The following MSH3 variants were observed in gnomAD, a reference collection of about 807,000 sequenced individuals.
MSH3 encodes DNA mismatch repair protein Msh3.
A neutral mutation model predicts 123.3 loss-of-function variants in MSH3; 106 were observed. The ratio of observed to expected loss-of-function variants is 0.86; its 90% CI spans 0.73 to 1.01. The LOEUF is 1.01. MSH3 is among the 50% of genes least tolerant of loss of function. MSH3 has a pLI of 0.00. For synonymous variants in MSH3, 515 were observed against 481.4 expected (o/e 1.07, Z -0.91); for missense variants, 1,459 against 1,347.6 (o/e 1.08, Z -1.29).
At chr5:80,662,098 T>A (rs982143705) in intron 2 of MSH3, among the ~76,000 whole-genome samples, 3 of 152,246 alleles carry the variant, frequency 2.0e-5, no homozygotes, top group Non-Finnish European at 2.9e-5. Flanking sequence ...CATAAGATTA[T>A]AATAGGTATT....
intron 19 of MSH3, among the ~76,000 whole-genome samples, chr5:80,802,532 G>A (rs947788537): frequency 6.6e-6 from 1 of 151,978 alleles, no homozygotes; most frequent in Non-Finnish European, 1.5e-5. Flanking sequence ...AGGGTAACTG[G>A]GGTATCCATC....
chr5:80,760,457 A>G (rs938027217), intron 12 of MSH3, among the ~76,000 whole-genome samples: 1 of 152,136 alleles, frequency 6.6e-6, no homozygotes, highest in Non-Finnish European at 1.5e-5. Context: ...CTGATCTCCT[A>G]TGTATCTGAA....
intron 12 of MSH3, among the ~76,000 whole-genome samples, chr5:80,747,911 T>G (rs1044899056): frequency 6.6e-6 from 1 of 152,192 alleles, no homozygotes; most frequent in East Asian, 1.9e-4. Context: ...ATGACAAAAT[T>G]GTCTAACGAT....
At chr5:80,755,709 C>A (rs1743915769) in intron 12 of MSH3, among the ~76,000 whole-genome samples, 1 of 152,118 alleles carries the variant, frequency 6.6e-6, no homozygotes, top group Admixed American at 6.6e-5. Context: ...CAGCTGCCCT[C>A]TGGGCTCCTG....
At position 80,746,418 on chromosome 5, in the gene MSH3, C is replaced by T. The variant is rs182709565; in HGVS notation, c.1763+1803C>T. Reference sequence around the variant, plus strand: ...TAAAGTCATTTTTGATATTGGAAGTCTTGCGAATCTTCTCAGGACTTTTCT... The same window carrying T: ...TAAAGTCATTTTTGATATTGGAAGTTTTGCGAATCTTCTCAGGACTTTTCT... On this transcript the variant is annotated intron_variant, in intron 12 of 23. Coordinates refer to ENST00000265081, the MANE Select transcript of MSH3 (RefSeq NM_002439.5). The T allele has an allele frequency of 1.6e-3, 678 of 435,918 alleles. 4 individuals are homozygous for T. The highest frequency in any genetic ancestry group is 2.2e-3 in the Non-Finnish European group (489 of 220,262). The allele number at this position is 435,918 out of a possible 1,614,324, so 27.0% of individuals were successfully genotyped here. A position where few individuals can be genotyped will look rare whatever the true frequency, so the allele number is the denominator to read the frequency against.
intron 15 of MSH3, among the ~76,000 whole-genome samples, chr5:80,771,779 G>A (rs1253018951): frequency 6.6e-6 from 1 of 152,084 alleles, no homozygotes; most frequent in African/African-American, 2.4e-5. Context: ...TGTAAATCCA[G>A]TGTTATTTTG....
intron 20 of MSH3, among the ~76,000 whole-genome samples, chr5:80,852,574 G>A (rs933645695): frequency 3.3e-5 from 5 of 152,108 alleles, no homozygotes; most frequent in Non-Finnish European, 7.4e-5. Context: ...TTTGTGGTAG[G>A]GGAAAAGGAA....
Position 80,787,604 on chromosome 5 carries a change from G to A in MSH3, c.2475G>A (p.Val825=). 1.9e-6 allele frequency: 3 copies of A among 1,613,910 alleles called. No individual in the cohort carries two copies. The highest frequency in any genetic ancestry group is 2.5e-6 in the Non-Finnish European group (3 of 1,179,848). The change falls in exon 18 of 24, where the codon GTG becomes GTA. Residue 825 remains valine, a synonymous_variant. Transcript: ENST00000265081. Reference sequence around the variant, plus strand: ...ATTATCACTCCTTGTGTAAAGCAGTGCATCACCTAGCAACTGTTGACTGCA... The same window carrying A: ...ATTATCACTCCTTGTGTAAAGCAGTACATCACCTAGCAACTGTTGACTGCA... ...SEHYHSLCKA[V]HHLATVDCIF... is the part of the protein sequence containing the mutation.
At chr5:80,699,085 C>T (rs1750549746) in intron 8 of MSH3, among the ~76,000 whole-genome samples, 1 of 152,190 alleles carries the variant, frequency 6.6e-6, no homozygotes, top group South Asian at 2.1e-4. Flanking sequence ...GTGATGGGGA[C>T]CGTAGCCTAG....
chr5:80,681,654 G>T (rs1749971090), intron 8 of MSH3, among the ~76,000 whole-genome samples: 1 of 150,236 alleles, frequency 6.7e-6, no homozygotes, highest in Admixed American at 6.6e-5. Flanking sequence ...TATTAACTTA[G>T]TATATATTTT....
intron 12 of MSH3, among the ~76,000 whole-genome samples, chr5:80,754,170 T>A (rs1254786146): frequency 6.6e-6 from 1 of 152,110 alleles, no homozygotes. Context: ...CACAGTAAAA[T>A]GTTTGCTTAT....
At chr5:80,765,255 G>C (rs1313603055) in intron 13 of MSH3, among the ~76,000 whole-genome samples, 1 of 152,168 alleles carries the variant, frequency 6.6e-6, no homozygotes, top group Admixed American at 6.5e-5. Context: ...ATAATCATAA[G>C]AGGTTAATAT....
chr5:80,789,295 C>A (rs1003768407), intron 18 of MSH3, among the ~76,000 whole-genome samples: 2 of 151,636 alleles, frequency 1.3e-5, no homozygotes, highest in African/African-American at 4.9e-5. Flanking sequence ...AAAAACTATC[C>A]TTTTTTCATA....
chr5:80,748,127 A>G (rs369698757), intron 12 of MSH3, among the ~76,000 whole-genome samples: 6 of 152,304 alleles, frequency 3.9e-5, no homozygotes, highest in African/African-American at 1.4e-4. Context: ...GGGATTTAGC[A>G]AAATAATGCA....
At position 80,670,279 on chromosome 5, in the gene MSH3, T is replaced by C. The variant is rs1749675730; in HGVS notation, c.762T>C (p.Tyr254=). 1 of 1,614,152 alleles carries C rather than the reference T, an allele frequency of 6.2e-7. No individual in the cohort carries two copies. The highest frequency in any genetic ancestry group is 2.2e-5 in the East Asian group (1 of 44,862). ...CAGTTTTGTGTGTGGAATGTGGATA[T>C]AAGTATAGATTCTTTGGGGAAGATG... ...KDAVLCVECG[Y]KYRFFGEDAE... The change falls in exon 4 of 24, where the codon TAT becomes TAC. Residue 254 remains tyrosine (Y), a synonymous_variant. Coordinates refer to ENST00000265081, the MANE Select transcript of MSH3 (RefSeq NM_002439.5).
intron 19 of MSH3, among the ~76,000 whole-genome samples, chr5:80,798,424 A>G (rs897214755): frequency 2.0e-5 from 3 of 152,232 alleles, no homozygotes; most frequent in Non-Finnish European, 2.9e-5. Context: ...TGGCCCAGAA[A>G]TACTTGCTTT....
chr5:80,680,617 T>C (rs978907366), intron 8 of MSH3, among the ~76,000 whole-genome samples: 4 of 152,042 alleles, frequency 2.6e-5, no homozygotes, highest in Admixed American at 2.0e-4. Context: ...TTAAAAACTT[T>C]ATTGCAGAAC....
chr5:80,848,981 A>G (rs1745778250), intron 20 of MSH3, among the ~76,000 whole-genome samples: 1 of 152,216 alleles, frequency 6.6e-6, no homozygotes, highest in Non-Finnish European at 1.5e-5. Flanking sequence ...TGTAAAATCA[A>G]AAGCTAGTTA....
chr5:80,860,881 A>G (rs1746004023), intron 21 of MSH3, among the ~76,000 whole-genome samples: 1 of 151,366 alleles, frequency 6.6e-6, no homozygotes, highest in Non-Finnish European at 1.5e-5. Flanking sequence ...TTGCATTTCC[A>G]TTTTGGAGAT....
Sources: gnomAD v4.1 joint callset for allele counts (sites outside exome capture counted in the v4.1 genomes callset) on GRCh38, gnomAD v4.1.1 for gene constraint, MANE v1.5 for transcripts, NCBI Gene and HGNC (gene_info 2026-07-23, HGNC 2026-07-21) for gene names.